FHIT: variants seen among roughly 807,000 people sequenced by gnomAD.
The protein encoded by FHIT is fragile histidine triad diadenosine triphosphatase, also known as bis(5'-adenosyl)-triphosphatase.
In FHIT, 19 loss-of-function variants were observed where a neutral mutation model predicts 17.9. The ratio of observed to expected loss-of-function variants is 1.06; its 90% CI spans 0.74 to 1.56. FHIT has a LOEUF of 1.56. FHIT is among the 40% of genes most tolerant of loss of function. FHIT has a pLI of 0.00. For missense variants in FHIT, 248 were observed against 189.2 expected, an observed-to-expected ratio of 1.31 and a Z score of -1.82; for synonymous variants, 81 against 69.7, an observed-to-expected ratio of 1.16 and a Z score of -0.81.
intron 1 of FHIT, among the ~76,000 whole-genome samples, chr3:61,249,838 T>G (rs1359002383): frequency 6.6e-6 from 1 of 151,960 alleles, no homozygotes; most frequent in Non-Finnish European, 1.5e-5. Context: ...AATGGTCAAG[T>G]GTTAGTGGTT....
intron 5 of FHIT, among the ~76,000 whole-genome samples, chr3:60,026,213 G>A (rs1487471690): frequency 6.6e-6 from 1 of 151,884 alleles, no homozygotes; most frequent in African/African-American, 2.4e-5. Context: ...TTCCTAAATT[G>A]GAGTTAATAT....
chr3:61,047,155 A>G (rs148982454), intron 2 of FHIT, among the ~76,000 whole-genome samples: 5,049 of 152,292 alleles, frequency 0.033, 135 homozygotes, highest in Non-Finnish European at 0.051. Flanking sequence ...AGAAAGAAAT[A>G]AAGGGTATTC....
At chr3:60,060,645 A>G (rs1324306854) in intron 5 of FHIT, among the ~76,000 whole-genome samples, 2 of 152,192 alleles carry the variant, frequency 1.3e-5, no homozygotes, top group African/African-American at 4.8e-5. Flanking sequence ...GTAGGAGAAA[A>G]ATGAGATTTG....
At chr3:60,350,369 A>G (rs1489251120) in intron 5 of FHIT, among the ~76,000 whole-genome samples, 2 of 152,152 alleles carry the variant, frequency 1.3e-5, no homozygotes, top group African/African-American at 2.4e-5. Flanking sequence ...TCTCTAACCA[A>G]TATTTGCCAT....
At chr3:60,318,938 A>T (rs945246588) in intron 5 of FHIT, among the ~76,000 whole-genome samples, 1 of 152,008 alleles carries the variant, frequency 6.6e-6, no homozygotes, top group African/African-American at 2.4e-5. Flanking sequence ...CTTGGTTTGT[A>T]GTTCTTTCCC....
chr3:60,174,638 T>C (rs1372223818), intron 5 of FHIT, among the ~76,000 whole-genome samples: 2 of 151,952 alleles, frequency 1.3e-5, no homozygotes, highest in East Asian at 3.9e-4. Flanking sequence ...TCAAGGTCCA[T>C]GCTTTTTTTT....
At chr3:60,259,329 G>C (rs1470840043) in intron 5 of FHIT, among the ~76,000 whole-genome samples, 2 of 152,074 alleles carry the variant, frequency 1.3e-5, no homozygotes, top group African/African-American at 4.8e-5. Flanking sequence ...TGAGCGGCTG[G>C]GTACTGGCTA....
At chr3:60,063,096 T>G (rs1018107466) in intron 5 of FHIT, among the ~76,000 whole-genome samples, 12 of 152,066 alleles carry the variant, frequency 7.9e-5, no homozygotes, top group African/African-American at 2.9e-4. Flanking sequence ...TCCTGTTAAG[T>G]AGGGCAAAAC....
At chr3:60,794,589 A>G (rs1700910327) in intron 4 of FHIT, among the ~76,000 whole-genome samples, 1 of 152,252 alleles carries the variant, frequency 6.6e-6, no homozygotes, top group African/African-American at 2.4e-5. Flanking sequence ...CTTGAGAAGT[A>G]GTGCAGGATA....
At chr3:60,727,830 C>A (rs1466645219) in intron 4 of FHIT, among the ~76,000 whole-genome samples, 1 of 152,030 alleles carries the variant, frequency 6.6e-6, no homozygotes, top group Non-Finnish European at 1.5e-5. Flanking sequence ...GGTGAAACCC[C>A]ATCTCTACTA....
At chr3:60,449,957 C>T (rs394261) in intron 5 of FHIT, among the ~76,000 whole-genome samples, 1 of 140,004 alleles carries the variant, frequency 7.1e-6, no homozygotes. Flanking sequence ...AAACCGAGAT[C>T]GGGGCACTGC....
intron 8 of FHIT, among the ~76,000 whole-genome samples, chr3:59,785,350 C>G (rs1702794700): frequency 1.3e-5 from 2 of 149,286 alleles, no homozygotes; most frequent in South Asian, 4.3e-4. Flanking sequence ...CACTCTGTCT[C>G]CCAGGCTGGA....
chr3:60,581,589 C>G (rs1029870041), intron 4 of FHIT, among the ~76,000 whole-genome samples: 1 of 151,948 alleles, frequency 6.6e-6, no homozygotes, highest in Non-Finnish European at 1.5e-5. Flanking sequence ...AGATTCATAT[C>G]TATAATGAAC....
At chr3:60,697,669 TAA>T (rs2041145483) in intron 4 of FHIT, among the ~76,000 whole-genome samples, 1 of 152,166 alleles carries the variant, frequency 6.6e-6, no homozygotes, top group Non-Finnish European at 1.5e-5. Context: ...AATGCATTCT[TAA>T]AAGTCTTAGT....
intron 5 of FHIT, among the ~76,000 whole-genome samples, chr3:60,495,970 A>C (rs1170332726): frequency 6.6e-6 from 1 of 152,172 alleles, no homozygotes; most frequent in Non-Finnish European, 1.5e-5. Flanking sequence ...AGAAAAGTAG[A>C]TTCATAATTT....
intron 5 of FHIT, among the ~76,000 whole-genome samples, chr3:60,088,956 G>A (rs2107083796): frequency 6.6e-6 from 1 of 152,180 alleles, no homozygotes; most frequent in East Asian, 1.9e-4. Flanking sequence ...CAATTTCAAG[G>A]GTATATGCTT....
At chr3:60,195,553 A>ATATATATATACATT (rs148013554) in intron 5 of FHIT, among the ~76,000 whole-genome samples, 5 of 136,508 alleles carry the variant, frequency 3.7e-5, no homozygotes, top group African/African-American at 1.1e-4. Context: ...TGTGATATAT[A>ATATATATATACATT]TATATATTTA....
intron 1 of FHIT, among the ~76,000 whole-genome samples, chr3:61,217,477 G>A (rs966163081): frequency 1.3e-5 from 2 of 152,308 alleles, no homozygotes; most frequent in Admixed American, 6.5e-5. Flanking sequence ...TCACAACATG[G>A]TGGCTGAGTT....
intron 5 of FHIT, among the ~76,000 whole-genome samples, chr3:60,514,453 G>A (rs913006641): frequency 5.9e-5 from 9 of 152,162 alleles, no homozygotes; most frequent in African/African-American, 1.2e-4. Flanking sequence ...TCCTGCCAGC[G>A]AAGTGGTCAA....
Sources: gnomAD v4.1 joint callset for allele counts (sites outside exome capture counted in the v4.1 genomes callset) on GRCh38, gnomAD v4.1.1 for gene constraint, MANE v1.5 for transcripts, NCBI Gene and HGNC (gene_info 2026-07-23, HGNC 2026-07-21) for gene names.